Variants in CYSLTR1 observed in about 807,000 individuals in gnomAD.
CYSLTR1 encodes cysteinyl leukotriene receptor 1.
In CYSLTR1, 1 loss-of-function variant was observed where a neutral mutation model predicts 2.1. The ratio of observed to expected loss-of-function variants is 0.48; its 90% CI spans 0.17 to 2.28. CYSLTR1 has a LOEUF of 2.28. Ranked by LOEUF, CYSLTR1 falls within the 30% of genes most tolerant of loss-of-function variation. The pLI, the probability that CYSLTR1 is intolerant of heterozygous loss-of-function variation, is 0.26. For synonymous variants in CYSLTR1, 110 were observed against 89.6 expected (o/e 1.23, Z -1.28); for missense variants, 299 against 250.1 (o/e 1.20, Z -1.32).
chrX:78,275,763 C>G (rs977339452), intron 2 of CYSLTR1, among the ~76,000 whole-genome samples: 3 of 111,290 alleles, frequency 2.7e-5, no homozygotes, highest in Admixed American at 9.6e-5. Context: ...GCTTGGTTCC[C>G]TCGAGAAGAA....
rs368235660 is a variant in CYSLTR1 at position 78,315,143 on chromosome X, T to A, written c.-115+12162A>T. On this transcript the variant is annotated intron_variant, in intron 1 of 2. Transcript: ENST00000373304. ...CCCTTTCCAGGCCCTAGCTCCTGAA[T>A]GACATTTCTAGACATACTCTGAAGG... Among the ~76,000 whole-genome samples, 53 of 107,696 alleles carry A rather than the reference T, an allele frequency of 4.9e-4. 2 individuals carry two copies. In the South Asian group the frequency reaches 0.02, roughly 41 times the overall value. 93.5% of individuals were successfully genotyped at this position (107,696 alleles called of 115,157 possible).
chrX:78,321,003 G>A (rs1469504430), intron 1 of CYSLTR1: 1 of 111,161 alleles, frequency 9.0e-6, no homozygotes, highest in Non-Finnish European at 1.9e-5. Context: ...GCAGTGAGTT[G>A]CTTTCTTCAT....
chrX:78,304,142 C>G (rs904568979), intron 1 of CYSLTR1, among the ~76,000 whole-genome samples: 9 of 111,764 alleles, frequency 8.1e-5, no homozygotes, highest in Admixed American at 7.6e-4. Context: ...AAAGGCAGCA[C>G]AGTTCTAGAT....
At chrX:78,316,086 G>A (rs988818582) in intron 1 of CYSLTR1, among the ~76,000 whole-genome samples, 1 of 112,411 alleles carries the variant, frequency 8.9e-6, no homozygotes, top group Non-Finnish European at 1.9e-5. Flanking sequence ...AAGAAAGTAA[G>A]GGAAGAGAAC....
chrX:78,296,365 G>T (rs1922573772), intron 1 of CYSLTR1, among the ~76,000 whole-genome samples: 1 of 111,431 alleles, frequency 9.0e-6, no homozygotes, highest in Non-Finnish European at 1.9e-5. Context: ...GCTTAGGACA[G>T]CTTTGGCTAT....
intron 2 of CYSLTR1, among the ~76,000 whole-genome samples, chrX:78,276,627 T>C (rs1921602755): frequency 9.0e-6 from 1 of 110,983 alleles, no homozygotes; most frequent in Non-Finnish European, 1.9e-5. Context: ...TTTTTCCCTT[T>C]CATTAAAAAA....
In CYSLTR1 at chrX:78,273,785, A is replaced by T. The variant is rs1603408549; in HGVS notation, c.-27-12T>A. Reference sequence around the variant, plus strand: ...TGTCTGCTTTGTGCCTATAATAAATAAAAAAAATTGTCAATTTTAACTAGA... The same window carrying T: ...TGTCTGCTTTGTGCCTATAATAAATTAAAAAAATTGTCAATTTTAACTAGA... On this transcript the variant is annotated splice_polypyrimidine_tract_variant and intron_variant, in intron 2 of 2. Coordinates refer to ENST00000373304, the MANE Select transcript of CYSLTR1 (RefSeq NM_006639.4). 5 of 1,132,893 alleles carry T rather than the reference A, an allele frequency of 4.4e-6. No individual in the cohort carries two copies. Among genetic ancestry groups the T allele is most frequent in the East Asian group, 3.0e-5 (1 of 33,265 alleles). 93.4% of individuals were successfully genotyped at this position (1,132,893 alleles called of 1,213,427 possible).
At chrX:78,324,947 G>C (rs890453282) in intron 1 of CYSLTR1, among the ~76,000 whole-genome samples, 1 of 110,884 alleles carries the variant, frequency 9.0e-6, no homozygotes, top group Non-Finnish European at 1.9e-5. Flanking sequence ...TTTTAAAAAC[G>C]TGATTTGTAT....
chrX:78,326,925 T>C (rs1460994975), intron 1 of CYSLTR1, among the ~76,000 whole-genome samples: 2 of 112,052 alleles, frequency 1.8e-5, no homozygotes, highest in Non-Finnish European at 3.8e-5. Context: ...AATTACTACA[T>C]ATTTATTTTC....
intron 1 of CYSLTR1, among the ~76,000 whole-genome samples, chrX:78,311,732 C>A (rs1923225121): frequency 9.0e-6 from 1 of 111,558 alleles, no homozygotes; most frequent in South Asian, 3.7e-4. Flanking sequence ...ATTCCATTTA[C>A]AATAGCCACA....
rs1281556976 is a variant in CYSLTR1 at position 78,293,511 on chromosome X, T to C, written c.-114-9971A>G. ...TTGGCATTCTCTGTATTTCCTGAAT[T>C]TGAATGTTGGCCTGCCTTGCTAGGT... On this transcript the variant is annotated intron_variant, in intron 1 of 2. Transcript: ENST00000373304. Among the ~76,000 whole-genome samples, 5 of 111,585 alleles carry C rather than the reference T, an allele frequency of 4.5e-5. No homozygotes were observed. The East Asian group carries it at 1.4e-3, about 31-fold the overall frequency.
rs766274215 is a variant in CYSLTR1, at chrX:78,299,415, C to T, written c.-114-15875G>A. On this transcript the variant is annotated intron_variant, in intron 1 of 2. Transcript: ENST00000373304. The stretch of plus-strand genomic sequence containing the variant: ...CATTCAAGTGATTATTTATTGCTCA[C>T]TAATGTACTCTTTTCATAATTGAAG... Among the ~76,000 whole-genome samples the T allele has an allele frequency of 3.6e-5, 4 of 111,032 alleles. No individual in the cohort carries two copies. In the East Asian group the frequency reaches 8.5e-4, roughly 24 times the overall value.
At chrX:78,297,043 T>G (rs1045039984) in intron 1 of CYSLTR1, among the ~76,000 whole-genome samples, 2 of 111,814 alleles carry the variant, frequency 1.8e-5, no homozygotes, top group Middle Eastern at 4.6e-3. Flanking sequence ...TAATAGGGCT[T>G]TTATTACTTG....
At chrX:78,278,479 CA>C (rs1921697039) in intron 2 of CYSLTR1, among the ~76,000 whole-genome samples, 1 of 112,132 alleles carries the variant, frequency 8.9e-6, no homozygotes, top group African/African-American at 3.2e-5. Flanking sequence ...ATGATATAAA[CA>C]AATAGAAATA....
chrX:78,323,381 C>T (rs1004042832), intron 1 of CYSLTR1, among the ~76,000 whole-genome samples: 4 of 111,266 alleles, frequency 3.6e-5, no homozygotes, highest in Non-Finnish European at 5.7e-5. Flanking sequence ...TTATTTAAGG[C>T]CCTTTGTCTT....
chrX:78,272,644 G>A lies in CYSLTR1; in HGVS notation c.*89C>T. ...TAGTTAAGTATTTGTAAAATATTAAGTAAAATTTTTATTTTTTTTGTAAAT... is the reference window on the plus strand; with the variant it reads ...TAGTTAAGTATTTGTAAAATATTAAATAAAATTTTTATTTTTTTTGTAAAT... On this transcript the variant is annotated 3_prime_UTR_variant, in exon 3 of 3. Transcript: ENST00000373304. 1.1e-6 allele frequency: 1 copy of A among 928,434 alleles called. No individual in the cohort carries two copies. The highest frequency in any genetic ancestry group is 1.4e-6 in the Non-Finnish European group (1 of 701,812). The allele number at this position is 928,434 out of a possible 1,213,427, so 76.5% of individuals were successfully genotyped here. A position where few individuals can be genotyped will look rare whatever the true frequency, so the allele number is the denominator to read the frequency against.
chrX:78,304,396 G>A lies in CYSLTR1; in HGVS notation c.-114-20856C>T, dbSNP rs753390761. Among the ~76,000 whole-genome samples the A allele has an allele frequency of 1.5e-4, 17 of 110,909 alleles. 1 individual carries two copies. Among genetic ancestry groups the A allele is most frequent in the Middle Eastern group, 4.6e-3 (1 of 216 alleles). On this transcript the variant is annotated intron_variant, in intron 1 of 2. Transcript: ENST00000373304. ...CCATCCTGCTTGATCGTATTGTGGC[G>A]TGCCAGGTTTCACTAACTCAGACCT...
rs747484187 is a variant in CYSLTR1 at position 78,273,241 on chromosome X, T to C, written c.506A>G (p.Asn169Ser). 4 of 1,210,723 alleles carry C rather than the reference T, an allele frequency of 3.3e-6. No homozygotes were observed. The highest frequency in any genetic ancestry group is 4.5e-6 in the Non-Finnish European group (4 of 895,095). ...LMAKPQKDEK[N>S]NTKCFEPPQD... is the part of the protein sequence containing the mutation. ...TGGGGGCTCAAAGCACTTGGTATTA[T>C]TTTTCTCATCTTTTTGTGGTTTGGC... is the stretch of plus-strand genomic sequence containing the variant. The change falls in exon 3 of 3, where the codon AAT becomes AGT. Residue 169 changes from asparagine to serine, a missense_variant. Transcript: ENST00000373304.
rs757883031 is a variant in CYSLTR1 at position 78,307,144 on chromosome X, T to C, written c.-115+20161A>G. On this transcript the variant is annotated intron_variant, in intron 1 of 2. Transcript: ENST00000373304. ...CTAAAAACAACATCCAATTATTTTC[T>C]CATGGTTTCTGTGGGTTGGGAGTTT... Among the ~76,000 whole-genome samples the C allele has an allele frequency of 4.5e-5, 5 of 112,187 alleles. No individual in the cohort carries two copies. The South Asian group carries it at 1.9e-3, about 42-fold the overall frequency.
Sources: allele counts gnomAD v4.1 joint callset (sites outside exome capture counted in the v4.1 genomes callset), GRCh38; gene constraint gnomAD v4.1.1; transcripts MANE v1.5; gene names NCBI Gene and HGNC (gene_info 2026-07-23, HGNC 2026-07-21).